TOX: variants seen among roughly 807,000 people sequenced by gnomAD.
TOX encodes the protein thymocyte selection associated high mobility group box.
A neutral mutation model predicts 53.7 loss-of-function variants in TOX; 11 were observed. The observed-to-expected ratio is 0.20, with a 90% CI of 0.13 to 0.34. TOX has a LOEUF of 0.34. Ranked by LOEUF, TOX falls within the 10% of genes least tolerant of loss-of-function variation. The pLI is 1.00. For synonymous variants in TOX, 225 were observed against 245.3 expected, an observed-to-expected ratio of 0.92 and a Z score of 0.77; for missense variants, 570 against 664.6, an observed-to-expected ratio of 0.86 and a Z score of 1.56.
At chr8:58,843,292 A>G (rs936825922) in intron 4 of TOX, among the ~76,000 whole-genome samples, 9 of 152,210 alleles carry the variant, frequency 5.9e-5, no homozygotes, top group Non-Finnish European at 8.8e-5. Context: ...TAAAATATTC[A>G]TTACTCAAGA....
intron 1 of TOX, among the ~76,000 whole-genome samples, chr8:59,002,609 A>AC (rs11462676): frequency 0.02 from 3,039 of 150,578 alleles, 107 homozygotes; most frequent in African/African-American, 0.067. Flanking sequence ...AACAACAACA[A>AC]AAAAAAAACA....
chr8:59,006,121 C>A (rs1585958705), intron 1 of TOX, among the ~76,000 whole-genome samples: 1 of 152,294 alleles, frequency 6.6e-6, no homozygotes, highest in East Asian at 1.9e-4. Context: ...ATGTACTTCA[C>A]TTTCACTTGT....
intron 7 of TOX, among the ~76,000 whole-genome samples, chr8:58,813,153 A>G (rs770990847): frequency 3.9e-4 from 60 of 152,234 alleles, no homozygotes; most frequent in Non-Finnish European, 5.9e-4. Flanking sequence ...TTTCTTATAC[A>G]GTTAAGATTC....
At chr8:58,956,513 A>G (rs1812709982) in intron 2 of TOX, among the ~76,000 whole-genome samples, 2 of 152,224 alleles carry the variant, frequency 1.3e-5, no homozygotes, top group Non-Finnish European at 2.9e-5. Context: ...AAGCAAATTA[A>G]CATATCCGTC....
chr8:58,882,487 G>T (rs1488054645), intron 3 of TOX, among the ~76,000 whole-genome samples: 1 of 152,180 alleles, frequency 6.6e-6, no homozygotes, highest in Non-Finnish European at 1.5e-5. Context: ...TTACTTAAGA[G>T]AACTTGACAA....
chr8:59,003,771 C>A (rs1813738493), intron 1 of TOX, among the ~76,000 whole-genome samples: 1 of 152,188 alleles, frequency 6.6e-6, no homozygotes. Flanking sequence ...TTCCTTTGCT[C>A]AATCCATCTT....
chr8:59,109,358 C>T (rs1804972244), intron 1 of TOX, among the ~76,000 whole-genome samples: 1 of 152,120 alleles, frequency 6.6e-6, no homozygotes, highest in African/African-American at 2.4e-5. Flanking sequence ...GCTTAGGTTA[C>T]AAAACCTTTA....
At chr8:59,002,095 C>T (rs1399598773) in intron 1 of TOX, among the ~76,000 whole-genome samples, 4 of 150,594 alleles carry the variant, frequency 2.7e-5, no homozygotes, top group Non-Finnish European at 5.9e-5. Flanking sequence ...CTGCTGTCAG[C>T]CTCCCCAGTA....
intron 1 of TOX, among the ~76,000 whole-genome samples, chr8:59,065,509 C>T (rs753856369): frequency 4.6e-5 from 7 of 152,048 alleles, no homozygotes; most frequent in African/African-American, 1.2e-4. Context: ...CTTGCATATT[C>T]GAATTTAAGA....
intron 1 of TOX, among the ~76,000 whole-genome samples, chr8:59,107,863 T>C (rs408133): frequency 0.1 from 15,771 of 152,118 alleles, 1,199 homozygotes; most frequent in East Asian, 0.35. Context: ...CCATGAAAAA[T>C]AGATGTGTTT....
chr8:58,923,593 G>A (rs1207139904), intron 3 of TOX, among the ~76,000 whole-genome samples: 2 of 152,044 alleles, frequency 1.3e-5, no homozygotes, highest in East Asian at 1.9e-4. Flanking sequence ...CATTAATTAG[G>A]TAGCTTTTCC....
At position 59,118,726 on chromosome 8, in the gene TOX, A is replaced by G. The variant is rs888275629; in HGVS notation, c.102+160T>C. Among the ~76,000 whole-genome samples the G allele has an allele frequency of 1.3e-5, 2 of 152,042 alleles. No individual in the cohort carries two copies. The highest frequency in any genetic ancestry group is 1.5e-5 in the Non-Finnish European group (1 of 67,990). Reference sequence around the variant, plus strand: ...GGCAAGCCCCCGGAGCTACTCCACAATATTTACTACCCAAGCGCACGCAGG... The same window carrying G: ...GGCAAGCCCCCGGAGCTACTCCACAGTATTTACTACCCAAGCGCACGCAGG... On this transcript the variant is annotated intron_variant, in intron 1 of 8. Coordinates refer to ENST00000361421, the MANE Select transcript of TOX (RefSeq NM_014729.3). The surrounding 1 kb of genome is among the most constrained non-coding windows in gnomAD (Gnocchi z 4.1).
intron 3 of TOX, among the ~76,000 whole-genome samples, chr8:58,924,628 G>A (rs1000710452): frequency 1.6e-4 from 25 of 152,214 alleles, no homozygotes; most frequent in Admixed American, 1.3e-3. Context: ...CCAATAAACC[G>A]TAATAGGGGA....
chr8:58,819,594 T>C (rs1372059237), intron 6 of TOX, among the ~76,000 whole-genome samples: 1 of 152,260 alleles, frequency 6.6e-6, no homozygotes, highest in Non-Finnish European at 1.5e-5. Flanking sequence ...GATACAACTC[T>C]ATAAGCCTGA....
chr8:59,006,976 T>C (rs1417846049), intron 1 of TOX, among the ~76,000 whole-genome samples: 1 of 152,214 alleles, frequency 6.6e-6, no homozygotes, highest in African/African-American at 2.4e-5. Flanking sequence ...TAATGCTGAA[T>C]GGAGGCATAC....
At chr8:59,014,916 C>T (rs1813980241) in intron 1 of TOX, among the ~76,000 whole-genome samples, 1 of 152,120 alleles carries the variant, frequency 6.6e-6, no homozygotes, top group South Asian at 2.1e-4. Context: ...CAACTCAAAG[C>T]AGAAAAAGAC....
At chr8:59,051,691 C>T (rs945990836) in intron 1 of TOX, among the ~76,000 whole-genome samples, 5 of 152,086 alleles carry the variant, frequency 3.3e-5, no homozygotes, top group African/African-American at 7.2e-5. Context: ...TTAAAACTTT[C>T]GTAAACAATC....
intron 3 of TOX, among the ~76,000 whole-genome samples, chr8:58,891,445 A>G (rs1811560331): frequency 6.6e-6 from 1 of 152,156 alleles, no homozygotes; most frequent in Non-Finnish European, 1.5e-5. Context: ...GTTCAGCCCT[A>G]TGTGATGTGT....
chr8:58,851,484 G>A lies in TOX; in HGVS notation c.693+40C>T. ...AGCACAGGTCAAAGAAGGTGCCTAA[G>A]AATAGTCTCCCATAGGTCCTAAAAA... On this transcript the variant is annotated intron_variant, in intron 4 of 8. Transcript: ENST00000361421. This position sits in a 1 kb window ranked among gnomAD's most constrained non-coding sequence, Gnocchi z 4.4. 1 of 1,603,886 alleles carries A rather than the reference G, an allele frequency of 6.2e-7. No individual in the cohort carries two copies. The highest frequency in any genetic ancestry group is 1.3e-5 in the African/African-American group (1 of 74,712).
Sources: allele counts gnomAD v4.1 joint callset (sites outside exome capture counted in the v4.1 genomes callset), GRCh38; gene constraint gnomAD v4.1.1; non-coding constraint Gnocchi (gnomAD v3.1); transcripts MANE v1.5; gene names NCBI Gene and HGNC (gene_info 2026-07-23, HGNC 2026-07-21).